The following KAZN variants were observed in gnomAD, a reference collection of about 807,000 sequenced individuals.
KAZN encodes the protein kazrin.
KAZN carries 40 observed loss-of-function variants against 87.4 expected under a neutral mutation model. The ratio of observed to expected loss-of-function variants is 0.46; its 90% confidence interval spans 0.36 to 0.60. The LOEUF (loss-of-function observed/expected upper bound fraction) is 0.60, where lower values mean the gene tolerates loss of function less well. Ranked by LOEUF, KAZN falls within the 20% of genes least tolerant of loss-of-function variation. KAZN has a pLI of 0.00. For missense variants in KAZN, 898 were observed against 1,073.9 expected (o/e 0.84, Z 2.29); for synonymous variants, 466 against 458.3 (o/e 1.02, Z -0.22).
intron 2 of KAZN, among the ~76,000 whole-genome samples, chr1:14,568,350 G>A (rs181760544): frequency 7.7e-4 from 117 of 152,288 alleles, no homozygotes; most frequent in African/African-American, 2.6e-3. Flanking sequence ...AGCTGTATTA[G>A]TCCGCTTTCA....
chr1:14,258,918 C>G (rs1650787858), intron 2 of KAZN, among the ~76,000 whole-genome samples: 1 of 152,178 alleles, frequency 6.6e-6, no homozygotes, highest in African/African-American at 2.4e-5. Flanking sequence ...ATTGGCATCT[C>G]AATTTTGCAA....
At chr1:14,064,218 T>A (rs761412239) in intron 1 of KAZN, among the ~76,000 whole-genome samples, 9 of 152,202 alleles carry the variant, frequency 5.9e-5, no homozygotes, top group Non-Finnish European at 8.8e-5. Flanking sequence ...CATGCTGCCC[T>A]TGTGTTTACA....
At chr1:14,168,749 T>C (rs1557531732) in intron 1 of KAZN, among the ~76,000 whole-genome samples, 1 of 152,178 alleles carries the variant, frequency 6.6e-6, no homozygotes, top group Non-Finnish European at 1.5e-5. Context: ...ACTTCACAGG[T>C]ACGAGGTTGT....
At chr1:14,977,124 T>C (rs1665718120) in intron 2 of KAZN, among the ~76,000 whole-genome samples, 1 of 152,154 alleles carries the variant, frequency 6.6e-6, no homozygotes, top group African/African-American at 2.4e-5. Context: ...GAAAAGGCCA[T>C]GGAGTCCTCG....
Position 15,056,038 on chromosome 1 carries a change from C to A in KAZN, c.727-53C>A. 1 of 1,547,652 alleles carries A rather than the reference C, an allele frequency of 6.5e-7. No homozygotes were observed. The highest frequency in any genetic ancestry group is 1.2e-5 in the South Asian group (1 of 83,456). ...CGGTGGGTGGTGCCAAGCAGCTGGC[C>A]AAGAGTTCCCCTTGATCATGACTTC... is the stretch of plus-strand genomic sequence containing the variant. On this transcript the variant is annotated intron_variant, in intron 4 of 14. Coordinates refer to ENST00000376030, the MANE Select transcript of KAZN (RefSeq NM_201628.3). The surrounding 1 kb of genome is among the most constrained non-coding windows in gnomAD (Gnocchi z 5.4).
At chr1:14,598,570 G>A, upstream of KAZN, 4 of 750,452 alleles carry the variant, frequency 5.3e-6, no homozygotes, top group Non-Finnish European at 6.6e-6. The surrounding 1 kb of genome is among the most constrained non-coding windows in gnomAD (Gnocchi z 4.2). Flanking sequence ...GTGTGTCTCC[G>A]AAGTACGGGG....
At chr1:14,361,937 T>C (rs1659551137) in intron 2 of KAZN, among the ~76,000 whole-genome samples, 1 of 152,200 alleles carries the variant, frequency 6.6e-6, no homozygotes, top group Non-Finnish European at 1.5e-5. Context: ...GAAGAGACTA[T>C]TGGCCTGAGA....
rs3222186 is a variant in KAZN at position 14,702,326 on chromosome 1, C to CTGTGTGTGTGTGTGTGTGTG, written c.226+103124_226+103143dup. ...GGAAAATGCTGATATTTTTGCAAAA[C>CTGTGTGTGTGTGTGTGTGTG]TGTGTGTGTGTGTGTGTGTGTGTGT... On this transcript the variant is annotated intron_variant, in intron 1 of 14. Coordinates refer to ENST00000376030, the MANE Select transcript of KAZN (RefSeq NM_201628.3). Among the ~76,000 whole-genome samples, 273 of 133,344 alleles carry CTGTGTGTGTGTGTGTGTGTG rather than the reference C, an allele frequency of 2.0e-3. 4 individuals carry two copies. The highest frequency in any genetic ancestry group is 7.8e-3 in the East Asian group (34 of 4,376). The allele number at this position is 133,344 out of a possible 152,430, so 87.5% of individuals were successfully genotyped here. A position where few individuals can be genotyped will look rare whatever the true frequency, so the allele number is the denominator to read the frequency against.
intron 1 of KAZN, among the ~76,000 whole-genome samples, chr1:14,942,536 C>T (rs184206112): frequency 1.8e-4 from 27 of 152,320 alleles, no homozygotes; most frequent in Admixed American, 1.3e-4. Flanking sequence ...CTACAGCAGC[C>T]GAACCTAGAA....
Position 15,094,807 on chromosome 1 carries a change from G to A in KAZN, c.1429-8G>A, listed in dbSNP as rs1448119785. 9 of 1,542,542 alleles carry A rather than the reference G, an allele frequency of 5.8e-6. No individual in the cohort carries two copies. Among genetic ancestry groups the A allele is most frequent in the East Asian group, 4.9e-5 (2 of 40,784 alleles). On this transcript the variant is annotated splice_polypyrimidine_tract_variant and splice_region_variant and intron_variant, in intron 9 of 14. Coordinates refer to ENST00000376030, the MANE Select transcript of KAZN (RefSeq NM_201628.3). This position sits in a 1 kb window ranked among gnomAD's most constrained non-coding sequence, Gnocchi z 4.5. ...CAGCCCCCATATGACACTCCCTCCC[G>A]GGGGCAGGTGCTGCTGAGCCTGAGT...
At chr1:14,727,511 C>CTTTTT (rs1643455466) in intron 1 of KAZN, among the ~76,000 whole-genome samples, 1 of 91,748 alleles carries the variant, frequency 1.1e-5, no homozygotes, top group Non-Finnish European at 2.0e-5. Context: ...AAGAGTTTTG[C>CTTTTT]TCTTGTTGTC....
chr1:14,372,705 T>A (rs78850977), intron 2 of KAZN, among the ~76,000 whole-genome samples: 6,714 of 152,290 alleles, frequency 0.044, 276 homozygotes, highest in South Asian at 0.2. Context: ...CAAAGCTCAC[T>A]TCCTCTTGAG....
At chr1:14,525,833 CAG>C (rs1489060490) in intron 2 of KAZN, among the ~76,000 whole-genome samples, 3 of 152,202 alleles carry the variant, frequency 2.0e-5, no homozygotes, top group Non-Finnish European at 4.4e-5. Flanking sequence ...CTTTAATACT[CAG>C]TGCAATCCTA....
rs1372530221 is a variant in KAZN, at chr1:14,355,928, T to C, written c.249+175336T>C. On this transcript the variant is annotated intron_variant, in intron 2 of 16. Coordinates refer to the KAZN transcript ENST00000636203. The stretch of plus-strand genomic sequence containing the variant: ...GTCTTTATAGTAGAATGACTTATAA[T>C]ACTTTGGGTATATACCCAGTAATGG... 3.3e-5 allele frequency among the ~76,000 whole-genome samples: 5 copies of C among 152,336 alleles called. No homozygotes were observed. In the East Asian group the frequency reaches 9.6e-4, roughly 29 times the overall value.
At chr1:14,051,665 C>A (rs907623035) in intron 1 of KAZN, among the ~76,000 whole-genome samples, 43 of 152,128 alleles carry the variant, frequency 2.8e-4, no homozygotes, top group African/African-American at 1.0e-3. Flanking sequence ...CATGGTGAAA[C>A]CCTGTCTCCA....
At chr1:14,144,886 C>G (rs571188056) in intron 1 of KAZN, among the ~76,000 whole-genome samples, 1 of 152,306 alleles carries the variant, frequency 6.6e-6, no homozygotes, top group Admixed American at 6.5e-5. Flanking sequence ...GGAAAGGCAT[C>G]TACTAATGAA....
chr1:14,980,252 C>T (rs992661482), intron 2 of KAZN, among the ~76,000 whole-genome samples: 1 of 152,048 alleles, frequency 6.6e-6, no homozygotes, highest in East Asian at 1.9e-4. Flanking sequence ...TTAGAGTGGC[C>T]GTATCATTTG....
chr1:14,648,771 G>A (rs1311266735), intron 1 of KAZN, among the ~76,000 whole-genome samples: 7 of 152,170 alleles, frequency 4.6e-5, no homozygotes, highest in Non-Finnish European at 8.8e-5. Context: ...AAATAATAGT[G>A]CTCACTAATG....
chr1:14,724,375 C>G (rs914439283), intron 1 of KAZN, among the ~76,000 whole-genome samples: 3 of 152,158 alleles, frequency 2.0e-5, no homozygotes, highest in African/African-American at 7.2e-5. Flanking sequence ...GATGCGTCTG[C>G]GGGAGAGCTG....
Sources: allele counts gnomAD v4.1 joint callset (sites outside exome capture counted in the v4.1 genomes callset), GRCh38; gene constraint gnomAD v4.1.1; non-coding constraint Gnocchi (gnomAD v3.1); transcripts MANE v1.5; gene names NCBI Gene and HGNC (gene_info 2026-07-23, HGNC 2026-07-21).